BATF2: variants seen among roughly 807,000 people sequenced by gnomAD.
BATF2 encodes the protein basic leucine zipper ATF-like transcription factor 2.
A neutral mutation model predicts 7.3 loss-of-function variants in BATF2; 4 were observed. That is an observed-to-expected ratio of 0.55 (90% CI 0.27 to 1.26). The LOEUF (loss-of-function observed/expected upper bound fraction) is 1.26. Among genes scored for constraint, BATF2 ranks in the 50% most tolerant of loss-of-function variants. The pLI, the probability that BATF2 is intolerant of heterozygous loss-of-function variation, is 0.11. For synonymous variants in BATF2, 152 were observed against 153.9 expected (o/e 0.99, Z 0.09); for missense variants, 295 against 340.5 (o/e 0.87, Z 1.05).
intron 2 of BATF2, among the ~76,000 whole-genome samples, chr11:64,993,199 A>C (rs1266024689): frequency 1.3e-5 from 2 of 152,108 alleles, no homozygotes; most frequent in African/African-American, 4.8e-5. Flanking sequence ...GTCTCTGCTA[A>C]AAATACAAAA....
chr11:64,991,476 A>T (rs1019066209), intron 2 of BATF2, among the ~76,000 whole-genome samples: 11 of 152,140 alleles, frequency 7.2e-5, no homozygotes, highest in Non-Finnish European at 1.2e-4. Context: ...CATTTCTAAA[A>T]TGTATCATTA....
intron 1 of BATF2, 81 bp from the exon 2 acceptor site, chr11:64,994,630 A>T: frequency 7.4e-7 from 1 of 1,356,018 alleles, no homozygotes; most frequent in Admixed American, 2.0e-5. Context: ...TGTAAAGCCA[A>T]GTCTTTCCCC....
chr11:64,994,873 T>G (rs577590154), intron 1 of BATF2, among the ~76,000 whole-genome samples: 33 of 151,850 alleles, frequency 2.2e-4, no homozygotes, highest in African/African-American at 8.0e-4. Flanking sequence ...TGAGACAGAG[T>G]CTCACTCTGT....
In BATF2 at chr11:64,989,259, A is replaced by G; in HGVS notation, c.695T>C (p.Leu232Pro). The G allele has an allele frequency of 1.2e-6, 2 of 1,611,892 alleles. No individual in the cohort carries two copies. Among genetic ancestry groups the G allele is most frequent in the Non-Finnish European group, 1.7e-6 (2 of 1,178,746 alleles). Reference sequence around the variant, plus strand: ...GTGCTCCCTGCTCTGCAGACGTGCAAGCCCCAGGGCAGAGGAAGGGTTGTC... The same window carrying G: ...GTGCTCCCTGCTCTGCAGACGTGCAGGCCCCAGGGCAGAGGAAGGGTTGTC... ...SPDNPSSALG[L>P]ARLQSREHKP... Residue 232 changes from leucine to proline, a missense_variant, in exon 3 of 3, where the codon CTT becomes CCT. Physicochemically the swap from Leu to Pro is moderately conservative, Grantham distance 98 (BLOSUM62 -3). Coordinates refer to ENST00000301887, the MANE Select transcript of BATF2 (RefSeq NM_138456.4). The surrounding 1 kb of genome is among the most constrained non-coding windows in gnomAD (Gnocchi z 4.3).
intron 2 of BATF2, among the ~76,000 whole-genome samples, chr11:64,992,162 G>A (rs1191753551): frequency 1.3e-5 from 2 of 152,118 alleles, no homozygotes; most frequent in South Asian, 2.1e-4. Context: ...TACTGGGATT[G>A]GCTAATTAGC....
chr11:64,988,835 C>G lies in BATF2; in HGVS notation c.*294G>C, dbSNP rs1272926738. The stretch of plus-strand genomic sequence containing the variant: ...GTGGTGTTTCGGGCTCCAAGAAAGT[C>G]TTCGTGACCTTGGACTTGTCACTTG... On this transcript the variant is annotated 3_prime_UTR_variant, in exon 3 of 3. Transcript: ENST00000301887. The G allele has an allele frequency of 2.3e-6, 1 of 428,810 alleles. No homozygotes were observed. Among genetic ancestry groups the G allele is most frequent in the East Asian group, 4.5e-5 (1 of 22,208 alleles). 26.6% of individuals were successfully genotyped at this position (428,810 alleles called of 1,614,324 possible).
intron 1 of BATF2, 79 bp from the exon 2 acceptor site, chr11:64,994,628 C>G: frequency 1.5e-6 from 2 of 1,358,922 alleles, no homozygotes; most frequent in Non-Finnish European, 2.0e-6. Context: ...TTTGTAAAGC[C>G]AAGTCTTTCC....
rs1262949553 is a variant in BATF2, at chr11:64,989,749, C to T, written c.205G>A (p.Glu69Lys). ...LRKEIQSLQA[E>K]LAWWSRTLHV... is the part of the protein sequence containing the mutation. ...AGGGTCCGGCTCCACCACGCCAGCT[C>T]GGCCTGCAGGGACTGGATCTCCTTC... Residue 69 changes from glutamate to lysine, a missense_variant, in exon 3 of 3, where the codon GAG becomes AAG. Glu to Lys is a moderately conservative substitution (Grantham distance 56, BLOSUM62 1). Coordinates refer to ENST00000301887, the MANE Select transcript of BATF2 (RefSeq NM_138456.4). This position sits in a 1 kb window ranked among gnomAD's most constrained non-coding sequence, Gnocchi z 4.3. 15 of 1,614,004 alleles carry T rather than the reference C, an allele frequency of 9.3e-6. No individual in the cohort carries two copies. Among genetic ancestry groups the T allele is most frequent in the Non-Finnish European group, 1.3e-5 (15 of 1,180,012 alleles).
At chr11:64,996,733 G>T in intron 1 of BATF2, 143 bp downstream of exon 1, 1 of 955,958 alleles carries the variant, frequency 1.0e-6, no homozygotes, top group South Asian at 1.7e-5. Context: ...GACCCAGAGA[G>T]GGGCATGCAG....
At chr11:64,991,057 T>C (rs1946072624) in intron 2 of BATF2, among the ~76,000 whole-genome samples, 1 of 151,596 alleles carries the variant, frequency 6.6e-6, no homozygotes, top group African/African-American at 2.4e-5. Flanking sequence ...CCCAAAGTTC[T>C]GGGATTACAG....
Position 64,988,942 on chromosome 11 carries a change from A to G in BATF2, c.*187T>C. ...TCAGGTCAACTGTGAGGTTGAAATA[A>G]GATATTGGTGGTGACAGGGCCTGTC... On this transcript the variant is annotated 3_prime_UTR_variant, in exon 3 of 3. Transcript: ENST00000301887. 1.6e-6 allele frequency: 1 copy of G among 610,006 alleles called. No individual in the cohort carries two copies. Among genetic ancestry groups the G allele is most frequent in the Non-Finnish European group, 2.9e-6 (1 of 339,138 alleles). The allele number at this position is 610,006 out of a possible 1,614,324, so 37.8% of individuals were successfully genotyped here. A position where few individuals can be genotyped will look rare whatever the true frequency, so the allele number is the denominator to read the frequency against.
chr11:64,992,789 G>A (rs1033980219), intron 2 of BATF2, among the ~76,000 whole-genome samples: 1 of 151,896 alleles, frequency 6.6e-6, no homozygotes, highest in African/African-American at 2.4e-5. Flanking sequence ...TTGAGCCTGG[G>A]AAGCTGAGGT....
At chr11:64,995,900 T>G (rs1039846961) in intron 1 of BATF2, among the ~76,000 whole-genome samples, 1 of 152,216 alleles carries the variant, frequency 6.6e-6, no homozygotes, top group Non-Finnish European at 1.5e-5. Context: ...TCCTGTGAGA[T>G]AAGCAGAGCC....
At chr11:64,990,578 T>C in intron 2 of BATF2, 3 of 1,055,826 alleles carry the variant, frequency 2.8e-6, no homozygotes, top group Non-Finnish European at 2.3e-6. Flanking sequence ...TGAACGCCGG[T>C]TCTGAGAACC....
chr11:64,995,771 T>C (rs551580554), intron 1 of BATF2, among the ~76,000 whole-genome samples: 2 of 152,190 alleles, frequency 1.3e-5, no homozygotes, highest in Non-Finnish European at 2.9e-5. Context: ...AGATTCTGAA[T>C]GCTCCTAGGC....
In BATF2 at chr11:64,988,899, A is replaced by G; in HGVS notation, c.*230T>C. On this transcript the variant is annotated 3_prime_UTR_variant, in exon 3 of 3. Coordinates refer to ENST00000301887, the MANE Select transcript of BATF2 (RefSeq NM_138456.4). ...TCAGTTTCCTTGTCTGAAAAAGTGG[A>G]GTGATAATCTCGATTTCTCAGGTCA... is the stretch of plus-strand genomic sequence containing the variant. 1.8e-6 allele frequency: 1 copy of G among 549,890 alleles called. No homozygotes were observed. Among genetic ancestry groups the G allele is most frequent in the Non-Finnish European group, 3.3e-6 (1 of 305,446 alleles). 34.1% of individuals were successfully genotyped at this position (549,890 alleles called of 1,614,324 possible).
chr11:64,989,476 G>T lies in BATF2; in HGVS notation c.478C>A (p.Pro160Thr). 6.2e-7 allele frequency: 1 copy of T among 1,611,534 alleles called. No individual in the cohort carries two copies. The highest frequency in any genetic ancestry group is 1.1e-5 in the South Asian group (1 of 90,780). Residue 160 changes from proline to threonine, a missense_variant, in exon 3 of 3, where the codon CCC (proline) becomes ACC (threonine). By Grantham distance (38) the Pro-to-Thr change is conservative. Coordinates refer to ENST00000301887, the MANE Select transcript of BATF2 (RefSeq NM_138456.4). This position sits in a 1 kb window ranked among gnomAD's most constrained non-coding sequence, Gnocchi z 4.3. ...ACAGGAGGTTCAGCAACCACAGCGGGGCCAAGGGACAGTGAGGGCAGGGGG... is the reference window on the plus strand; with the variant it reads ...ACAGGAGGTTCAGCAACCACAGCGGTGCCAAGGGACAGTGAGGGCAGGGGG... ...QCPLPSLSLG[P>T]AVVAEPPVQL...
chr11:64,989,645 A>G lies in BATF2; in HGVS notation c.309T>C (p.Ala103=), dbSNP rs769071454. ...APGLLGCWDQ[A]EGLLGPGPQG... is the part of the protein sequence containing the mutation. ...GTGGGCCAGGGCCCAGGAGCCCCTC[A>G]GCCTGGTCCCAGCAGCCCAGGAGCC... The change falls in exon 3 of 3, where the codon GCT becomes GCC. Residue 103 remains alanine (A), a synonymous_variant. Transcript: ENST00000301887. This position sits in a 1 kb window ranked among gnomAD's most constrained non-coding sequence, Gnocchi z 4.3. 2 of 1,613,050 alleles carry G rather than the reference A, an allele frequency of 1.2e-6. No individual in the cohort carries two copies. Among genetic ancestry groups the G allele is most frequent in the Non-Finnish European group, 1.7e-6 (2 of 1,179,670 alleles).
chr11:64,991,744 G>A (rs1432682940), intron 2 of BATF2, among the ~76,000 whole-genome samples: 4 of 152,056 alleles, frequency 2.6e-5, no homozygotes, highest in Admixed American at 6.6e-5. Flanking sequence ...TGGGGCTGGG[G>A]TGGGCGTTTG....
Sources: gnomAD v4.1 joint callset for allele counts (sites outside exome capture counted in the v4.1 genomes callset) on GRCh38, gnomAD v4.1.1 for gene constraint, Gnocchi (gnomAD v3.1) non-coding constraint, MANE v1.5 for transcripts, NCBI Gene and HGNC (gene_info 2026-07-23, HGNC 2026-07-21) for gene names.